The following EIF4G3 variants were observed in gnomAD, a reference collection of about 807,000 sequenced individuals.
The protein encoded by EIF4G3 is eukaryotic translation initiation factor 4 gamma 3, also known as eIF-4-gamma 3.
A neutral mutation model predicts 186.4 loss-of-function variants in EIF4G3; 34 were observed. That is an observed-to-expected ratio of 0.18 (90% CI 0.14 to 0.24). The LOEUF (loss-of-function observed/expected upper bound fraction) is 0.24, where lower values mean the gene tolerates loss of function less well. Among genes scored for constraint, EIF4G3 ranks in the 10% least tolerant of loss-of-function variants. The pLI, the probability that EIF4G3 is intolerant of heterozygous loss-of-function variation, is 1.00. For missense variants in EIF4G3, 1,536 were observed against 1,948.5 expected (o/e 0.79, Z 3.99); for synonymous variants, 673 against 679.5 (o/e 0.99, Z 0.15).
At chr1:21,166,687 C>T (rs897093939) in intron 2 of EIF4G3, among the ~76,000 whole-genome samples, 2 of 152,074 alleles carry the variant, frequency 1.3e-5, no homozygotes, top group South Asian at 2.1e-4. Context: ...AGATGGAGAT[C>T]GCACCACTGT....
intron 34 of EIF4G3, among the ~76,000 whole-genome samples, chr1:20,814,034 C>T (rs1330820179): frequency 7.0e-6 from 1 of 143,034 alleles, no homozygotes; most frequent in Non-Finnish European, 1.5e-5. Flanking sequence ...GCAACCTCTG[C>T]CTCCCAGGTT....
In EIF4G3 at chr1:21,075,570, C is replaced by CAAAAAAAAAAAAAAAAAA. The variant is rs55649192; in HGVS notation, c.-196+13550_-196+13567dup. ...GGCAACAGAGTGAGACTCCAACTCACAAAAAAAAAAAAAAAAAAAAAAAAA... is the reference window on the plus strand; with the variant it reads ...GGCAACAGAGTGAGACTCCAACTCACAAAAAAAAAAAAAAAAAAAAAAAAAAAAAAAAAAAAAAAAAAA... On this transcript the variant is annotated intron_variant, in intron 3 of 36. Coordinates refer to ENST00000602326, the MANE Select transcript of EIF4G3 (RefSeq NM_001391906.1). Among the ~76,000 whole-genome samples the CAAAAAAAAAAAAAAAAAA allele has an allele frequency of 8.7e-4, 45 of 51,556 alleles. 2 individuals carry two copies. Among genetic ancestry groups the CAAAAAAAAAAAAAAAAAA allele is most frequent in the Non-Finnish European group, 9.4e-4 (30 of 31,966 alleles). The allele number at this position is 51,556 out of a possible 152,430, so 33.8% of individuals were successfully genotyped here.
rs189308523 is a variant in EIF4G3, at chr1:21,018,978, T to C, written c.-66-16170A>G. ...GACTTAGGTATTCCTTTATAGCAAA[T>C]GATCTCAGAAAGATGGTAAATTTTG... On this transcript the variant is annotated intron_variant, in intron 4 of 36. Transcript: ENST00000602326. Among the ~76,000 whole-genome samples, 423 of 152,078 alleles carry C rather than the reference T, an allele frequency of 2.8e-3. 1 individual carries two copies. The highest frequency in any genetic ancestry group is 6.8e-3 in the Middle Eastern group (2 of 294).
chr1:21,117,340 G>A lies in EIF4G3; in HGVS notation c.-271-28127C>T, dbSNP rs1356099129. On this transcript the variant is annotated intron_variant, in intron 2 of 36. Transcript: ENST00000602326. Reference sequence around the variant, plus strand: ...ACCAACAATGAGTTAGATGAGATACGGTCACACACAAAAAAATAATGTTTA... The same window carrying A: ...ACCAACAATGAGTTAGATGAGATACAGTCACACACAAAAAAATAATGTTTA... 3.3e-5 allele frequency among the ~76,000 whole-genome samples: 5 copies of A among 151,764 alleles called. No homozygotes were observed. The East Asian group carries it at 5.8e-4, about 18-fold the overall frequency.
At chr1:21,002,409 A>T (rs1476441848) in intron 5 of EIF4G3, among the ~76,000 whole-genome samples, 1 of 152,222 alleles carries the variant, frequency 6.6e-6, no homozygotes, top group African/African-American at 2.4e-5. Flanking sequence ...ACTAACAAAA[A>T]TTATAAGCTG....
intron 7 of EIF4G3, among the ~76,000 whole-genome samples, chr1:20,986,937 A>G (rs1244238082): frequency 6.6e-6 from 1 of 152,082 alleles, no homozygotes; most frequent in Admixed American, 6.5e-5. Flanking sequence ...ATACACCAGA[A>G]GGATGGCAGA....
Position 20,994,628 on chromosome 1 carries a change from CTTT to C in EIF4G3, c.177+2970_177+2972del, listed in dbSNP as rs3081939. On this transcript the variant is annotated intron_variant, in intron 7 of 36. Coordinates refer to ENST00000602326, the MANE Select transcript of EIF4G3 (RefSeq NM_001391906.1). ...ATAATAAATATAATAAACATATATA[CTTT>C]TTTTTTTTTTTTTTTGAGATAAAGT... Among the ~76,000 whole-genome samples, 35 of 124,458 alleles carry C rather than the reference CTTT, an allele frequency of 2.8e-4. 1 individual carries two copies. Among genetic ancestry groups the C allele is most frequent in the Admixed American group, 6.9e-4 (8 of 11,534 alleles). The allele number at this position is 124,458 out of a possible 152,430, so 81.6% of individuals were successfully genotyped here.
intron 6 of EIF4G3, among the ~76,000 whole-genome samples, chr1:21,000,390 C>T (rs1383470728): frequency 5.3e-5 from 8 of 151,994 alleles, no homozygotes; most frequent in African/African-American, 1.4e-4. Context: ...TTGCCAATGG[C>T]CTATTAATGC....
intron 2 of EIF4G3, among the ~76,000 whole-genome samples, chr1:21,112,311 C>A (rs1227575324): frequency 2.6e-5 from 4 of 152,184 alleles, no homozygotes; most frequent in Admixed American, 2.0e-4. Flanking sequence ...GAAAACCATT[C>A]TACAAGTCAA....
At chr1:21,120,734 G>T (rs2102349488) in intron 2 of EIF4G3, among the ~76,000 whole-genome samples, 1 of 152,090 alleles carries the variant, frequency 6.6e-6, no homozygotes, top group Non-Finnish European at 1.5e-5. Flanking sequence ...CCAATTGATT[G>T]ATGGGGTTAA....
chr1:21,173,169 G>T, intron 2 of EIF4G3, among the ~76,000 whole-genome samples: 1 of 128,008 alleles, frequency 7.8e-6, no homozygotes, highest in Non-Finnish European at 1.7e-5. Flanking sequence ...AAAAAAAGAC[G>T]TGGGTTCCAA....
intron 2 of EIF4G3, among the ~76,000 whole-genome samples, chr1:21,137,227 T>C (rs969687233): frequency 4.0e-5 from 6 of 151,886 alleles, no homozygotes; most frequent in Non-Finnish European, 8.8e-5. Context: ...CACTGCAACT[T>C]TGAACTCCTG....
intron 29 of EIF4G3, among the ~76,000 whole-genome samples, chr1:20,846,220 A>C (rs2070955032): frequency 1.3e-5 from 2 of 152,172 alleles, no homozygotes; most frequent in South Asian, 4.1e-4. Context: ...ATACAGGTTC[A>C]TGTCATCTGC....
intron 27 of EIF4G3, among the ~76,000 whole-genome samples, chr1:20,852,057 CTTTTT>C (rs2073470232): frequency 6.6e-6 from 1 of 152,146 alleles, no homozygotes; most frequent in South Asian, 2.1e-4. Context: ...TTTCTCTTTT[CTTTTT>C]TGAGATGGAG....
chr1:21,046,078 C>G (rs2093869683), intron 4 of EIF4G3, among the ~76,000 whole-genome samples: 1 of 152,116 alleles, frequency 6.6e-6, no homozygotes. Flanking sequence ...AGTGCACTTC[C>G]CCAGGGAGAT....
At chr1:20,919,558 T>C (rs899737886) in intron 14 of EIF4G3, among the ~76,000 whole-genome samples, 6 of 152,202 alleles carry the variant, frequency 3.9e-5, no homozygotes, top group East Asian at 1.9e-4. Context: ...AATCAATATA[T>C]GCTAACTTTG....
intron 12 of EIF4G3, among the ~76,000 whole-genome samples, chr1:20,964,894 G>C (rs1028905629): frequency 6.6e-6 from 1 of 152,126 alleles, no homozygotes; most frequent in Non-Finnish European, 1.5e-5. Flanking sequence ...ACTCCAGTGG[G>C]GAAGCCTAAG....
intron 2 of EIF4G3, among the ~76,000 whole-genome samples, chr1:21,131,974 A>T (rs1573030828): frequency 6.6e-6 from 1 of 152,178 alleles, no homozygotes; most frequent in Non-Finnish European, 1.5e-5. Flanking sequence ...TGTCTCAAAA[A>T]AAAAATTTTT....
intron 2 of EIF4G3, among the ~76,000 whole-genome samples, chr1:21,131,142 A>G: frequency 6.6e-6 from 1 of 151,672 alleles, no homozygotes; most frequent in Non-Finnish European, 1.5e-5. Flanking sequence ...CAGGAGGCTG[A>G]GTCACAAGAA....
Sources: gnomAD v4.1 joint callset for allele counts (sites outside exome capture counted in the v4.1 genomes callset) on GRCh38, gnomAD v4.1.1 for gene constraint, MANE v1.5 for transcripts, NCBI Gene and HGNC (gene_info 2026-07-23, HGNC 2026-07-21) for gene names.